Variants in ZNF695 observed in about 807,000 individuals in gnomAD.
ZNF695 encodes zinc finger protein SBZF3.
ZNF695 carries 11 observed loss-of-function variants against 11.2 expected under a neutral mutation model. The observed-to-expected ratio is 0.98, with a 90% CI of 0.62 to 1.62. ZNF695 has a LOEUF of 1.62. ZNF695 is among the 40% of genes most tolerant of loss of function. The pLI, the probability that ZNF695 is intolerant of heterozygous loss-of-function variation, is 0.00. For missense variants in ZNF695, 559 were observed against 590.5 expected (o/e 0.95, Z 0.55); for synonymous variants, 190 against 201.4 (o/e 0.94, Z 0.48).
At position 246,986,174 on chromosome 1, in the gene ZNF695, T is replaced by TCC. The variant is rs1668840333; in HGVS notation, c.*791_*792dup. ...ATCCTCAACCTCCAGGCTCAAGCAA[T>TCC]CCTCCCACCTGAGCCTTCCAAGTAG... On this transcript the variant is annotated 3_prime_UTR_variant, in exon 4 of 4. Transcript: ENST00000339986. 1.8e-6 allele frequency: 1 copy of TCC among 541,640 alleles called. No homozygotes were observed. Among genetic ancestry groups the TCC allele is most frequent in the Non-Finnish European group, 2.4e-6 (1 of 424,822 alleles). The allele number at this position is 541,640 out of a possible 1,614,324, so 33.6% of individuals were successfully genotyped here.
At chr1:246,966,874 A>G (rs1236701112) in intron 5 of ZNF695, 10 of 456,590 alleles carry the variant, frequency 2.2e-5, no homozygotes, top group South Asian at 1.5e-4. Context: ...TGAGATGAGG[A>G]GTTATTGGAG....
chr1:246,947,239 G>T (rs1363287025), intron 5 of ZNF695, among the ~76,000 whole-genome samples: 4 of 142,364 alleles, frequency 2.8e-5, no homozygotes, highest in Non-Finnish European at 6.1e-5. Context: ...TCCCTTTGTC[G>T]CCCAGGCTGG....
chr1:246,982,168 G>A (rs1429441899), downstream of ZNF695, among the ~76,000 whole-genome samples: 1 of 151,412 alleles, frequency 6.6e-6, no homozygotes, highest in East Asian at 1.9e-4. Context: ...TACTTGGGAG[G>A]CTGAGGCAGA....
intron 5 of ZNF695, among the ~76,000 whole-genome samples, chr1:246,964,753 C>G (rs921998734): frequency 2.6e-5 from 4 of 152,154 alleles, no homozygotes; most frequent in African/African-American, 9.7e-5. Flanking sequence ...TGCCTGTAAT[C>G]CCAGCTACTC....
At chr1:246,999,773 A>T (rs1258535106) in intron 2 of ZNF695, 139 bp downstream of exon 2, 15 of 819,702 alleles carry the variant, frequency 1.8e-5, no homozygotes, top group Non-Finnish European at 2.8e-5. Flanking sequence ...GTTGATGTCA[A>T]GGCAAAACAT....
intron 3 of ZNF695, among the ~76,000 whole-genome samples, chr1:246,997,563 G>A (rs1669249133): frequency 6.6e-6 from 1 of 151,992 alleles, no homozygotes; most frequent in South Asian, 2.1e-4. Context: ...ATGTGTGTGT[G>A]TGTGTAAAAT....
At chr1:246,971,488 C>A (rs987407577) in intron 4 of ZNF695, among the ~76,000 whole-genome samples, 2 of 152,120 alleles carry the variant, frequency 1.3e-5, no homozygotes, top group African/African-American at 4.8e-5. Context: ...ACTCCCTTTC[C>A]TGGTCTGCTA....
rs1269713811 is a variant in ZNF695 at position 246,985,692 on chromosome 1, T to G, written c.*1275A>C. On this transcript the variant is annotated 3_prime_UTR_variant, in exon 4 of 4. Transcript: ENST00000339986. The stretch of plus-strand genomic sequence containing the variant: ...TGAATTTTATTACCTTAATGTGCAA[T>G]AGGAAAAACAACTGACTTGTAAAAC... 18 of 985,298 alleles carry G rather than the reference T, an allele frequency of 1.8e-5. No individual in the cohort carries two copies. Among genetic ancestry groups the G allele is most frequent in the Non-Finnish European group, 2.0e-5 (17 of 829,910 alleles). 61.0% of individuals were successfully genotyped at this position (985,298 alleles called of 1,614,324 possible).
intron 4 of ZNF695, among the ~76,000 whole-genome samples, chr1:246,974,423 G>T (rs1340947779): frequency 1.2e-5 from 1 of 84,644 alleles, no homozygotes; most frequent in Non-Finnish European, 2.0e-5. Context: ...TTTGGCTCTG[G>T]GGAGAAAAAA....
downstream of ZNF695, among the ~76,000 whole-genome samples, chr1:246,983,194 ACT>A (rs1337310626): frequency 3.4e-5 from 5 of 145,808 alleles, no homozygotes; most frequent in African/African-American, 1.3e-4. Flanking sequence ...ACAGAGCGAG[ACT>A]CTGTCTCAAA....
Position 247,008,031 on chromosome 1 carries a change from C to T in ZNF695, c.-123G>A, listed in dbSNP as rs556271553. On this transcript the variant is annotated 5_prime_UTR_variant, in exon 1 of 4. Transcript: ENST00000339986. ...CGAGAGGCAGCAGACGGGAACCCAG[C>T]ACCCCGCCGGCCGCAAGGAGACAAA... 2.1e-5 allele frequency: 25 copies of T among 1,163,128 alleles called. No individual in the cohort carries two copies. In the South Asian group the frequency reaches 6.1e-4, roughly 28 times the overall value. The allele number at this position is 1,163,128 out of a possible 1,614,324, so 72.1% of individuals were successfully genotyped here.
At chr1:246,952,322 C>A (rs1364880632) in intron 5 of ZNF695, among the ~76,000 whole-genome samples, 1 of 152,148 alleles carries the variant, frequency 6.6e-6, no homozygotes, top group Non-Finnish European at 1.5e-5. Flanking sequence ...TTCAAATTTT[C>A]TTTAGTGTCC....
intron 5 of ZNF695, among the ~76,000 whole-genome samples, chr1:246,965,288 C>T (rs1160434034): frequency 6.9e-6 from 1 of 144,798 alleles, no homozygotes; most frequent in African/African-American, 2.6e-5. Context: ...ACCCGGGAGG[C>T]GGAGCTTGCA....
intron 1 of ZNF695, among the ~76,000 whole-genome samples, chr1:247,002,152 A>C (rs1558321633): frequency 1.3e-5 from 2 of 152,342 alleles, no homozygotes; most frequent in East Asian, 3.9e-4. Context: ...TCAAGACCAC[A>C]GTTAAATAAA....
intron 4 of ZNF695, among the ~76,000 whole-genome samples, chr1:246,976,121 A>G (rs1668552492): frequency 6.6e-6 from 1 of 152,106 alleles, no homozygotes; most frequent in African/African-American, 2.4e-5. Flanking sequence ...AGGGACAAGA[A>G]CTTTATTGGT....
chr1:246,953,238 G>T (rs936580893), intron 5 of ZNF695, among the ~76,000 whole-genome samples: 13 of 152,244 alleles, frequency 8.5e-5, no homozygotes, highest in African/African-American at 3.1e-4. Context: ...TTTATTCATT[G>T]ATGAATTTTG....
At chr1:246,965,704 G>A (rs888941851) in intron 5 of ZNF695, among the ~76,000 whole-genome samples, 4 of 151,668 alleles carry the variant, frequency 2.6e-5, no homozygotes, top group East Asian at 1.9e-4. Flanking sequence ...TCCACCGTAC[G>A]ACCATACGAG....
intron 5 of ZNF695, among the ~76,000 whole-genome samples, chr1:246,947,799 AT>A (rs749081082): frequency 1.3e-5 from 2 of 152,202 alleles, no homozygotes; most frequent in African/African-American, 2.4e-5. Context: ...ATGAATTACC[AT>A]GTACCAGTAT....
chr1:246,981,752 T>C (rs1419075744), downstream of ZNF695, among the ~76,000 whole-genome samples: 1 of 152,176 alleles, frequency 6.6e-6, no homozygotes, highest in Admixed American at 6.5e-5. Context: ...GGTCCCAATT[T>C]GGCTATTGTA....
Sources: gnomAD v4.1 joint callset for allele counts (sites outside exome capture counted in the v4.1 genomes callset) on GRCh38, gnomAD v4.1.1 for gene constraint, MANE v1.5 for transcripts, NCBI Gene and HGNC (gene_info 2026-07-23, HGNC 2026-07-21) for gene names.